Variants in TMOD2 observed in about 807,000 individuals in gnomAD.
TMOD2 encodes the protein tropomodulin-2.
TMOD2 carries 22 observed loss-of-function variants against 39.9 expected under a neutral mutation model. The observed-to-expected ratio is 0.55, with a 90% CI of 0.39 to 0.79. The LOEUF is 0.79. TMOD2 is among the 30% of genes least tolerant of loss of function. The probability of loss-of-function intolerance (pLI) is 0.00; values close to 1 mark genes in which losing one functional copy is unlikely to be tolerated. For missense variants in TMOD2, 386 were observed against 413.3 expected (o/e 0.93, Z 0.57); for synonymous variants, 123 against 146.1 (o/e 0.84, Z 1.14).
intron 1 of TMOD2, among the ~76,000 whole-genome samples, chr15:51,757,452 G>T (rs1028046116): frequency 6.6e-6 from 1 of 150,578 alleles, no homozygotes; most frequent in Admixed American, 6.6e-5. Context: ...CCTTCCCAAG[G>T]CTTGTATATT....
At chr15:51,780,840 T>G (rs1381594674) in intron 5 of TMOD2, among the ~76,000 whole-genome samples, 2 of 152,324 alleles carry the variant, frequency 1.3e-5, no homozygotes, top group East Asian at 3.9e-4. Context: ...GAATTCTCAT[T>G]GCAGTTGAGA....
intron 1 of TMOD2, among the ~76,000 whole-genome samples, chr15:51,762,353 G>A (rs1296038235): frequency 6.6e-6 from 1 of 152,068 alleles, no homozygotes; most frequent in African/African-American, 2.4e-5. Context: ...TAGCTACTTA[G>A]GAGACTGATG....
intron 7 of TMOD2, among the ~76,000 whole-genome samples, chr15:51,787,203 G>A (rs1304409508): frequency 6.6e-6 from 1 of 152,222 alleles, no homozygotes; most frequent in Non-Finnish European, 1.5e-5. Flanking sequence ...CAGGTCCCAC[G>A]CCCACAGAGC....
intron 8 of TMOD2, among the ~76,000 whole-genome samples, chr15:51,802,152 C>T (rs150787047): frequency 1.4e-3 from 209 of 150,654 alleles, no homozygotes; most frequent in African/African-American, 4.9e-3. Context: ...TTTTATATGC[C>T]CCCCAATTTA....
chr15:51,808,393 CT>C (rs1425685394), intron 9 of TMOD2, 26 bp from the exon 10 acceptor site: 14 of 1,602,048 alleles, frequency 8.7e-6, no homozygotes, highest in Non-Finnish European at 1.2e-5. Flanking sequence ...TTCAATTTGT[CT>C]TTTTGTTCCT....
At chr15:51,758,347 G>T (rs2055756898) in intron 1 of TMOD2, among the ~76,000 whole-genome samples, 1 of 152,118 alleles carries the variant, frequency 6.6e-6, no homozygotes, top group Admixed American at 6.5e-5. Context: ...AACCATACAT[G>T]CAACATACAT....
intron 8 of TMOD2, among the ~76,000 whole-genome samples, chr15:51,801,929 A>AAT (rs1567248052): frequency 7.4e-6 from 1 of 135,754 alleles, no homozygotes; most frequent in African/African-American, 2.7e-5. Flanking sequence ...TCATCTTTAA[A>AAT]ATATATATAT....
At chr15:51,790,456 A>G (rs1305232666) in intron 7 of TMOD2, among the ~76,000 whole-genome samples, 4 of 152,220 alleles carry the variant, frequency 2.6e-5, no homozygotes, top group Non-Finnish European at 5.9e-5. Flanking sequence ...ATTCCTTCTG[A>G]AACTATTCCA....
At chr15:51,768,502 C>T in intron 3 of TMOD2, 84 bp downstream of exon 3, 2 of 1,333,664 alleles carry the variant, frequency 1.5e-6, no homozygotes, top group African/African-American at 1.5e-5. Context: ...TTAAGATTAC[C>T]TCTTTTTATT....
At chr15:51,802,638 A>G in intron 8 of TMOD2, among the ~76,000 whole-genome samples, 1 of 152,368 alleles carries the variant, frequency 6.6e-6, no homozygotes, top group East Asian at 1.9e-4. Flanking sequence ...CACAAGCCGT[A>G]GTAGTGGCAG....
chr15:51,777,295 G>A (rs1017014440), intron 5 of TMOD2, among the ~76,000 whole-genome samples: 1 of 152,114 alleles, frequency 6.6e-6, no homozygotes, highest in African/African-American at 2.4e-5. Context: ...GCATTAAATG[G>A]TATAATCCAT....
At chr15:51,772,216 G>A (rs151158236) in intron 3 of TMOD2, among the ~76,000 whole-genome samples, 18 of 152,212 alleles carry the variant, frequency 1.2e-4, no homozygotes, top group East Asian at 7.7e-4. Flanking sequence ...CCCAATGGGC[G>A]GAAACTGGAG....
At chr15:51,782,016 T>G (rs2055934146) in intron 6 of TMOD2, among the ~76,000 whole-genome samples, 1 of 152,190 alleles carries the variant, frequency 6.6e-6, no homozygotes, top group Middle Eastern at 3.2e-3. Context: ...CGTCATAGAG[T>G]TAGTCTGTAG....
Position 51,812,833 on chromosome 15 carries a change from A to G in TMOD2, c.*4379A>G, listed in dbSNP as rs528197900. The G allele has an allele frequency of 1.3e-5, 2 of 152,316 alleles. No individual in the cohort carries two copies. The highest frequency in any genetic ancestry group is 2.9e-5 in the Non-Finnish European group (2 of 68,034). The allele number at this position is 152,316 out of a possible 1,614,324, so 9.4% of individuals were successfully genotyped here. On this transcript the variant is annotated 3_prime_UTR_variant, in exon 10 of 10. Transcript: ENST00000249700. ...TCATTTTAACGAGCAGAGAACTAAG[A>G]GGAAAGGTCCTAGCTCTGCCTTCCA...
chr15:51,782,687 G>T (rs778390421), intron 6 of TMOD2, 34 bp from the exon 7 acceptor site: 1 of 1,541,250 alleles, frequency 6.5e-7, no homozygotes. Flanking sequence ...GCCATACAAT[G>T]GTTCATCAAC....
intron 5 of TMOD2, among the ~76,000 whole-genome samples, chr15:51,780,642 G>A (rs546997995): frequency 3.2e-4 from 49 of 152,326 alleles, no homozygotes; most frequent in Admixed American, 2.0e-4. Flanking sequence ...AGAGGCCAGA[G>A]GGGTATTAAA....
chr15:51,806,833 A>G (rs774317255), intron 9 of TMOD2, among the ~76,000 whole-genome samples: 3 of 152,150 alleles, frequency 2.0e-5, no homozygotes, highest in Non-Finnish European at 4.4e-5. Flanking sequence ...TTTTATCTGC[A>G]CCAGAAAATG....
At chr15:51,798,414 G>A in intron 8 of TMOD2, 74 bp downstream of exon 8, 3 of 1,533,452 alleles carry the variant, frequency 2.0e-6, no homozygotes, top group Non-Finnish European at 2.7e-6. Flanking sequence ...CACAAGGAAT[G>A]AGTTAAAAGA....
Position 51,808,527 on chromosome 15 carries a change from C to A in TMOD2, c.*73C>A. On this transcript the variant is annotated 3_prime_UTR_variant, in exon 10 of 10. Transcript: ENST00000249700. ...AACAAAAACTCTTCTTCTTCCCCAT[C>A]AGGACCATTTTATCAAAGTTCGTTC... The A allele has an allele frequency of 7.8e-7, 1 of 1,275,848 alleles. No individual in the cohort carries two copies. The highest frequency in any genetic ancestry group is 1.1e-6 in the Non-Finnish European group (1 of 899,586). 79.0% of individuals were successfully genotyped at this position (1,275,848 alleles called of 1,614,324 possible). A position where few individuals can be genotyped will look rare whatever the true frequency, so the allele number is the denominator to read the frequency against.
Sources: allele counts gnomAD v4.1 joint callset (sites outside exome capture counted in the v4.1 genomes callset), GRCh38; gene constraint gnomAD v4.1.1; transcripts MANE v1.5; gene names NCBI Gene and HGNC (gene_info 2026-07-23, HGNC 2026-07-21).